RYR2: variants seen among roughly 807,000 people sequenced by gnomAD.
RYR2 encodes the protein ryanodine receptor 2.
A neutral mutation model predicts 601.1 loss-of-function variants in RYR2; 227 were observed. The ratio of observed to expected loss-of-function variants is 0.38; its 90% confidence interval spans 0.34 to 0.42. The LOEUF (loss-of-function observed/expected upper bound fraction) is 0.42, where lower values mean the gene tolerates loss of function less well. Among genes scored for constraint, RYR2 ranks in the 10% least tolerant of loss-of-function variants. The pLI, the probability that RYR2 is intolerant of heterozygous loss-of-function variation, is 1.00. For synonymous variants in RYR2, 2,223 were observed against 2,175.1 expected (o/e 1.02, Z -0.61); for missense variants, 4,646 against 6,156.5 (o/e 0.75, Z 8.21).
chr1:237,107,382 G>T (rs1212018734), intron 1 of RYR2, among the ~76,000 whole-genome samples: 1 of 150,120 alleles, frequency 6.7e-6, no homozygotes, highest in Non-Finnish European at 1.5e-5. Context: ...TTAGCTGGAC[G>T]TGGTGGCGGG....
chr1:237,609,457 C>A (rs1677568182), intron 35 of RYR2, among the ~76,000 whole-genome samples: 2 of 151,764 alleles, frequency 1.3e-5, no homozygotes. Context: ...GCAACCTCCG[C>A]CTCCCAGGTT....
rs1159247790 is a variant in RYR2 at position 237,590,925 on chromosome 1, G to A, written c.4093G>A (p.Ala1365Thr). The A allele has an allele frequency of 1.2e-6, 2 of 1,613,862 alleles. No individual in the cohort carries two copies. Among genetic ancestry groups the A allele is most frequent in the Non-Finnish European group, 8.5e-7 (1 of 1,179,842 alleles). The change falls in exon 31 of 105, where the codon GCT becomes ACT. Residue 1365 changes from alanine to threonine, a missense_variant. Coordinates refer to ENST00000366574, the MANE Select transcript of RYR2 (RefSeq NM_001035.3). ...VPDRVDKDKEATKPEFNNHKD... is the reference protein window; with the variant it reads ...VPDRVDKDKETTKPEFNNHKD... ...CGATCGTGTTGACAAAGACAAAGAA[G>A]CTACTAAACCAGAGTTTAACAACCA...
At position 237,171,339 on chromosome 1, in the gene RYR2, A is replaced by T. The variant is rs114411755; in HGVS notation, c.49-99158A>T. On this transcript the variant is annotated intron_variant, in intron 1 of 104. Transcript: ENST00000366574. ...TTTGACATGTAGTAGTTGCTAAATG[A>T]TTGATACAGATACTGATGTTTTTGG... Among the ~76,000 whole-genome samples the T allele has an allele frequency of 6.3e-3, 961 of 152,262 alleles. 12 individuals are homozygous for T. The highest frequency in any genetic ancestry group is 0.021 in the African/African-American group (873 of 41,560).
At chr1:237,492,884 G>A (rs1663557917) in intron 18 of RYR2, 70 bp from the exon 19 acceptor site, 2 of 1,444,626 alleles carry the variant, frequency 1.4e-6, no homozygotes, top group South Asian at 1.3e-5. Context: ...GGGAAGGAAG[G>A]AAGGGAGGGA....
intron 17 of RYR2, among the ~76,000 whole-genome samples, chr1:237,479,797 A>G (rs538281710): frequency 2.0e-5 from 3 of 152,334 alleles, no homozygotes; most frequent in Non-Finnish European, 4.4e-5. Context: ...CTGTGCTGAC[A>G]GTGTCATATG....
intron 2 of RYR2, among the ~76,000 whole-genome samples, chr1:237,308,913 C>T (rs1399820463): frequency 6.6e-6 from 1 of 152,158 alleles, no homozygotes; most frequent in African/African-American, 2.4e-5. Context: ...CTGATTGGTC[C>T]ATTTTGACAG....
rs537946736 is a variant in RYR2, at chr1:237,799,629, A to G, written c.14090+1459A>G. 1.6e-3 allele frequency among the ~76,000 whole-genome samples: 248 copies of G among 152,380 alleles called. 2 individuals are homozygous for G. The highest frequency in any genetic ancestry group is 5.5e-3 in the African/African-American group (227 of 41,592). ...TTCTGGTAAATAATGTACAACTAGG[A>G]AAAAGATTTACATATAATGTCTCTT... is the stretch of plus-strand genomic sequence containing the variant. On this transcript the variant is annotated intron_variant, in intron 97 of 104. Transcript: ENST00000366574.
chr1:237,597,317 G>A (rs1676001668), intron 34 of RYR2, among the ~76,000 whole-genome samples: 1 of 149,470 alleles, frequency 6.7e-6, no homozygotes, highest in African/African-American at 2.5e-5. Context: ...TTGAGACAGA[G>A]TCTTGCTCTG....
intron 52 of RYR2, among the ~76,000 whole-genome samples, chr1:237,654,945 G>A (rs370405911): frequency 6.6e-6 from 1 of 152,312 alleles, no homozygotes; most frequent in Middle Eastern, 3.4e-3. Flanking sequence ...ACTGACAGGT[G>A]TTGATCTTAG....
At chr1:237,597,856 A>G (rs1210154341) in intron 34 of RYR2, among the ~76,000 whole-genome samples, 3 of 152,340 alleles carry the variant, frequency 2.0e-5, no homozygotes, top group African/African-American at 7.2e-5. Context: ...ATGTAAATGA[A>G]TTAAATTGCT....
chr1:237,477,354 G>T (rs1236883932), intron 17 of RYR2, among the ~76,000 whole-genome samples: 1 of 152,162 alleles, frequency 6.6e-6, no homozygotes, highest in Non-Finnish European at 1.5e-5. Context: ...TCACACCACT[G>T]CATTCCAGCC....
At chr1:237,754,546 T>G (rs185922191) in intron 80 of RYR2, among the ~76,000 whole-genome samples, 50 of 152,336 alleles carry the variant, frequency 3.3e-4, no homozygotes, top group Admixed American at 1.7e-3. Context: ...TCTTCCTGAC[T>G]CCCTTGCCTC....
chr1:237,137,317 G>C (rs1429041552), intron 1 of RYR2, among the ~76,000 whole-genome samples: 2 of 152,078 alleles, frequency 1.3e-5, no homozygotes, highest in East Asian at 3.9e-4. Flanking sequence ...CCTTTGTGCT[G>C]GTGGGGCTGA....
At chr1:237,090,930 G>A (rs768103803) in intron 1 of RYR2, among the ~76,000 whole-genome samples, 19 of 152,292 alleles carry the variant, frequency 1.2e-4, no homozygotes, top group South Asian at 4.1e-4. Context: ...TATCCCATGT[G>A]CATTACAAAA....
chr1:237,753,252 C>T (rs1177026906), intron 80 of RYR2, among the ~76,000 whole-genome samples: 3 of 152,178 alleles, frequency 2.0e-5, no homozygotes, highest in South Asian at 2.1e-4. Context: ...TTTTCTCCAT[C>T]GATGACGAGC....
Position 237,832,702 on chromosome 1 carries a change from T to C in RYR2, c.*55T>C, listed in dbSNP as rs192720264. On this transcript the variant is annotated 3_prime_UTR_variant, in exon 105 of 105. Coordinates refer to ENST00000366574, the MANE Select transcript of RYR2 (RefSeq NM_001035.3). ...AACCCTACCCCTCTCTCTCCCTCTC[T>C]CAATTTCTCTGCTCTCTTGGAAACA... 3.0e-4 allele frequency: 296 copies of C among 986,554 alleles called. 2 individuals carry two copies. In the East Asian group the frequency reaches 5.9e-3, roughly 20 times the overall value. 61.1% of individuals were successfully genotyped at this position (986,554 alleles called of 1,614,324 possible).
In RYR2 at chr1:237,155,498, A is replaced by G. The variant is rs137985054; in HGVS notation, c.48+112929A>G. ...GTATTTAAGAAAGAAAGGGGAAATT[A>G]GATTCCATTTTGGAATTTTATTGAG... On this transcript the variant is annotated intron_variant, in intron 1 of 104. Coordinates refer to ENST00000366574, the MANE Select transcript of RYR2 (RefSeq NM_001035.3). Among the ~76,000 whole-genome samples, 155 of 152,250 alleles carry G rather than the reference A, an allele frequency of 1.0e-3. 1 individual carries two copies. Among genetic ancestry groups the G allele is most frequent in the Middle Eastern group, 3.4e-3 (1 of 294 alleles).
At chr1:237,203,155 A>ACACACACCC in intron 1 of RYR2, among the ~76,000 whole-genome samples, 1 of 152,104 alleles carries the variant, frequency 6.6e-6, no homozygotes, top group Non-Finnish European at 1.5e-5. Context: ...CACCACCACC[A>ACACACACCC]CACACACCCC....
intron 52 of RYR2, 128 bp from the exon 53 acceptor site, chr1:237,655,693 T>A (rs1683175614): frequency 1.2e-5 from 9 of 776,086 alleles, no homozygotes; most frequent in Non-Finnish European, 1.8e-5. Context: ...GGAAAAAGAA[T>A]GATCAGAGAG....
Sources: gnomAD v4.1 joint callset for allele counts (sites outside exome capture counted in the v4.1 genomes callset) on GRCh38, gnomAD v4.1.1 for gene constraint, MANE v1.5 for transcripts, NCBI Gene and HGNC (gene_info 2026-07-23, HGNC 2026-07-21) for gene names.